The following SLC4A8 variants were observed in gnomAD, a reference collection of about 807,000 sequenced individuals.
SLC4A8 encodes solute carrier family 4 member 8.
A neutral mutation model predicts 125.0 loss-of-function variants in SLC4A8; 40 were observed. The ratio of observed to expected loss-of-function variants is 0.32; its 90% CI spans 0.25 to 0.42. The LOEUF is 0.42. Ranked by LOEUF, SLC4A8 falls within the 10% of genes least tolerant of loss-of-function variation. The probability of loss-of-function intolerance (pLI) is 1.00; values close to 1 mark genes in which losing one functional copy is unlikely to be tolerated. For synonymous variants in SLC4A8, 456 were observed against 476.0 expected (o/e 0.96, Z 0.55); for missense variants, 863 against 1,355.1 (o/e 0.64, Z 5.70).
chr12:51,453,767 G>A, intron 5 of SLC4A8, 68 bp downstream of exon 5: 1 of 1,476,356 alleles, frequency 6.8e-7, no homozygotes, highest in South Asian at 1.2e-5. Context: ...AAAAAGGAGT[G>A]TGGCGTGACA....
chr12:51,457,487 C>T lies in SLC4A8; in HGVS notation c.711C>T (p.Ser237=), dbSNP rs267603506. Residue 237 remains serine, a synonymous_variant, in exon 6 of 25, where the codon TCC becomes TCT. Transcript: ENST00000453097. ...ACAACCTCATTCCCATTGTTCGCTC[C>T]TTTGCTGAGGTTGGCAAGAAGCAGT... ...KRNNLIPIVR[S]FAEVGKKQSD... is the part of the protein sequence containing the mutation. 6.2e-7 allele frequency: 1 copy of T among 1,614,116 alleles called. No individual in the cohort carries two copies. Among genetic ancestry groups the T allele is most frequent in the East Asian group, 2.2e-5 (1 of 44,892 alleles).
In SLC4A8 at chr12:51,462,153, T is replaced by G. The variant is rs190060059; in HGVS notation, c.1102-157T>G. The G allele has an allele frequency of 6.5e-4, 427 of 655,342 alleles. 1 individual carries two copies. Among genetic ancestry groups the G allele is most frequent in the South Asian group, 7.3e-4 (39 of 53,732 alleles). 40.6% of individuals were successfully genotyped at this position (655,342 alleles called of 1,614,324 possible). A position where few individuals can be genotyped will look rare whatever the true frequency, so the allele number is the denominator to read the frequency against. On this transcript the variant is annotated intron_variant, in intron 9 of 24. Transcript: ENST00000453097. ...CACGCTTGTTTTTTAAATCCTTTTATCCTTGCACTTCTCTAAGTGCTAAAG... is the reference window on the plus strand; with the variant it reads ...CACGCTTGTTTTTTAAATCCTTTTAGCCTTGCACTTCTCTAAGTGCTAAAG...
intron 16 of SLC4A8, among the ~76,000 whole-genome samples, chr12:51,476,906 CT>C (rs67928969): frequency 0.43 from 51,209 of 118,112 alleles, 9,291 homozygotes; most frequent in Non-Finnish European, 0.47. Flanking sequence ...TTTTTCTTTT[CT>C]TTTTTTTTTT....
chr12:51,442,234 C>T (rs1949623301), intron 2 of SLC4A8, among the ~76,000 whole-genome samples: 1 of 152,168 alleles, frequency 6.6e-6, no homozygotes, highest in South Asian at 2.1e-4. Context: ...ACCACCCAAC[C>T]TCAATATCTT....
At chr12:51,477,871 G>A (rs956955498) in intron 16 of SLC4A8, among the ~76,000 whole-genome samples, 3 of 152,162 alleles carry the variant, frequency 2.0e-5, no homozygotes, top group Admixed American at 6.5e-5. Context: ...GCTTACATCT[G>A]TAATCCCAGC....
intron 19 of SLC4A8, 117 bp downstream of exon 19, chr12:51,490,068 A>T (rs1403159091): frequency 2.1e-6 from 2 of 954,712 alleles, no homozygotes; most frequent in Non-Finnish European, 3.2e-6. Context: ...CCCTGCCCTG[A>T]AAGAGTTTAT....
upstream of SLC4A8, among the ~76,000 whole-genome samples, chr12:51,423,474 A>G (rs1376833787): frequency 6.6e-6 from 1 of 152,214 alleles, no homozygotes; most frequent in Non-Finnish European, 1.5e-5. Context: ...GTGTGTGGCA[A>G]TGAACACTAA....
intron 2 of SLC4A8, among the ~76,000 whole-genome samples, chr12:51,450,125 A>T (rs1949916353): frequency 6.6e-6 from 1 of 152,060 alleles, no homozygotes; most frequent in Non-Finnish European, 1.5e-5. Context: ...ACAGTATTTA[A>T]TGTCTTTTTT....
chr12:51,405,113 G>A (rs1274110803), intron 1 of SLC4A8, among the ~76,000 whole-genome samples: 1 of 152,200 alleles, frequency 6.6e-6, no homozygotes, highest in African/African-American at 2.4e-5. Context: ...AGGGAGTTGG[G>A]TGGTGACTCA....
At chr12:51,407,390 G>A (rs1948507983) in intron 1 of SLC4A8, among the ~76,000 whole-genome samples, 1 of 151,932 alleles carries the variant, frequency 6.6e-6, no homozygotes, top group Non-Finnish European at 1.5e-5. Flanking sequence ...CAAGTAGCTG[G>A]CACTACAGGC....
chr12:51,417,175 G>A (rs1948701535), intron 1 of SLC4A8, among the ~76,000 whole-genome samples: 1 of 152,080 alleles, frequency 6.6e-6, no homozygotes, highest in South Asian at 2.1e-4. Flanking sequence ...TAACCATGGT[G>A]TAAGTCTTTT....
intron 17 of SLC4A8, among the ~76,000 whole-genome samples, chr12:51,487,670 C>T (rs1402589139): frequency 6.6e-6 from 1 of 152,092 alleles, no homozygotes; most frequent in Non-Finnish European, 1.5e-5. Context: ...TTGTGAACAC[C>T]CCAGTAAGAT....
intron 2 of SLC4A8, among the ~76,000 whole-genome samples, chr12:51,442,052 T>C (rs1325319980): frequency 6.6e-6 from 1 of 152,142 alleles, no homozygotes; most frequent in African/African-American, 2.4e-5. Context: ...CTTATACAAG[T>C]TGTCCTTTTC....
intron 8 of SLC4A8, 50 bp downstream of exon 8, chr12:51,460,158 G>T: frequency 7.1e-7 from 1 of 1,401,758 alleles, no homozygotes; most frequent in Non-Finnish European, 1.0e-6. Flanking sequence ...TCAAATTTAT[G>T]TAGTGCTGGT....
rs1347086284 is a variant in SLC4A8 at position 51,400,797 on chromosome 12, CACACAT to C, written c.-112+9311_-112+9316del. On this transcript the variant is annotated intron_variant, in intron 1 of 24. Coordinates refer to the SLC4A8 transcript ENST00000358657. ...ATATATACATACATACACACACACA[CACACAT>C]ATATAAACATATATGTTTATATACG... Among the ~76,000 whole-genome samples the C allele has an allele frequency of 2.4e-3, 221 of 91,674 alleles. 14 individuals carry two copies. The highest frequency in any genetic ancestry group is 7.6e-3 in the African/African-American group (152 of 19,980). 60.1% of individuals were successfully genotyped at this position (91,674 alleles called of 152,430 possible). A position where few individuals can be genotyped will look rare whatever the true frequency, so the allele number is the denominator to read the frequency against.
intron 5 of SLC4A8, among the ~76,000 whole-genome samples, chr12:51,455,659 G>A (rs2138210143): frequency 1.3e-5 from 2 of 152,276 alleles, no homozygotes; most frequent in Middle Eastern, 6.8e-3. Flanking sequence ...GGCTGGACAG[G>A]TTAAGAAATA....
intron 22 of SLC4A8, among the ~76,000 whole-genome samples, chr12:51,499,300 A>G (rs1199205639): frequency 6.6e-6 from 1 of 152,194 alleles, no homozygotes; most frequent in African/African-American, 2.4e-5. Context: ...TTACTAAAAC[A>G]TATACATATA....
At chr12:51,442,683 T>TA (rs1365012524) in intron 2 of SLC4A8, among the ~76,000 whole-genome samples, 5 of 151,208 alleles carry the variant, frequency 3.3e-5, no homozygotes, top group East Asian at 3.9e-4. Context: ...TGTTAACACT[T>TA]AAAAAAAAAG....
intron 11 of SLC4A8, among the ~76,000 whole-genome samples, chr12:51,465,116 G>A (rs1193998700): frequency 6.6e-6 from 1 of 152,180 alleles, no homozygotes; most frequent in Non-Finnish European, 1.5e-5. Context: ...CAGTTCAAGG[G>A]AAGCATATGT....
Sources: allele counts gnomAD v4.1 joint callset (sites outside exome capture counted in the v4.1 genomes callset), GRCh38; gene constraint gnomAD v4.1.1; transcripts MANE v1.5; gene names NCBI Gene and HGNC (gene_info 2026-07-23, HGNC 2026-07-21).